The following CNGB3 variants were observed in gnomAD, a reference collection of about 807,000 sequenced individuals.
The protein encoded by CNGB3 is cyclic nucleotide-gated channel beta-3.
CNGB3 carries 86 observed loss-of-function variants against 92.8 expected under a neutral mutation model. The ratio of observed to expected loss-of-function variants is 0.93; its 90% CI spans 0.78 to 1.11. The LOEUF is 1.11. Among genes scored for constraint, CNGB3 ranks in the 50% least tolerant of loss-of-function variants. The pLI is 0.00. For synonymous variants in CNGB3, 333 were observed against 332.7 expected, an observed-to-expected ratio of 1.00 and a Z score of -0.01; for missense variants, 1,026 against 956.8, an observed-to-expected ratio of 1.07 and a Z score of -0.95.
chr8:86,715,990 T>A (rs1205904515), intron 3 of CNGB3, among the ~76,000 whole-genome samples: 1 of 151,508 alleles, frequency 6.6e-6, no homozygotes, highest in Non-Finnish European at 1.5e-5. Context: ...ATAAAAAAAA[T>A]TAAAAAACAA....
At chr8:86,578,398 A>G (rs1232078309) in intron 17 of CNGB3, among the ~76,000 whole-genome samples, 1 of 152,206 alleles carries the variant, frequency 6.6e-6, no homozygotes, top group Non-Finnish European at 1.5e-5. Context: ...TAGTAAGTAG[A>G]TTCACCAATA....
At chr8:86,695,515 T>C (rs1824433122) in intron 3 of CNGB3, among the ~76,000 whole-genome samples, 1 of 152,172 alleles carries the variant, frequency 6.6e-6, no homozygotes, top group South Asian at 2.1e-4. Context: ...ACGTTGTAAT[T>C]GTCTTTTCTT....
intron 3 of CNGB3, among the ~76,000 whole-genome samples, chr8:86,705,431 A>G (rs543332876): frequency 1.1e-4 from 16 of 151,980 alleles, no homozygotes; most frequent in Admixed American, 9.8e-4. Flanking sequence ...GCAAATGTCC[A>G]TGCTCCTATT....
intron 6 of CNGB3, chr8:86,659,696 A>C: frequency 2.4e-6 from 1 of 416,304 alleles, no homozygotes; most frequent in Non-Finnish European, 4.8e-6. Context: ...TGAGTGTAAT[A>C]CAGAGCTGTC....
intron 3 of CNGB3, among the ~76,000 whole-genome samples, chr8:86,675,678 A>C (rs1280230143): frequency 6.6e-6 from 1 of 152,226 alleles, no homozygotes; most frequent in Non-Finnish European, 1.5e-5. Context: ...CTGGGATTGC[A>C]GATGTCAGTC....
intron 3 of CNGB3, among the ~76,000 whole-genome samples, chr8:86,694,362 C>T (rs897473263): frequency 1.3e-5 from 2 of 150,456 alleles, no homozygotes; most frequent in African/African-American, 2.4e-5. Context: ...CTGACCCCCC[C>T]ACTTCCCTCC....
At chr8:86,735,296 C>G (rs1219661986) in intron 2 of CNGB3, among the ~76,000 whole-genome samples, 1 of 151,396 alleles carries the variant, frequency 6.6e-6, no homozygotes, top group Non-Finnish European at 1.5e-5. Flanking sequence ...GCATCCACCA[C>G]CATGCCTGGC....
chr8:86,712,386 A>G (rs975813487), intron 3 of CNGB3, among the ~76,000 whole-genome samples: 2 of 152,144 alleles, frequency 1.3e-5, no homozygotes, highest in Non-Finnish European at 2.9e-5. Context: ...CTGTAGAAGA[A>G]TTAGCATTTT....
chr8:86,622,832 A>G (rs1822766940), intron 13 of CNGB3, among the ~76,000 whole-genome samples: 1 of 152,186 alleles, frequency 6.6e-6, no homozygotes. Context: ...TTTGTAATAC[A>G]TTTTATTATA....
chr8:86,710,349 C>G (rs1824727151), intron 3 of CNGB3, among the ~76,000 whole-genome samples: 1 of 152,102 alleles, frequency 6.6e-6, no homozygotes, highest in South Asian at 2.1e-4. Flanking sequence ...GCTATTGCCA[C>G]CAGGTAGGGA....
intron 15 of CNGB3, among the ~76,000 whole-genome samples, chr8:86,596,460 T>A (rs1822173014): frequency 6.6e-6 from 1 of 152,188 alleles, no homozygotes; most frequent in Non-Finnish European, 1.5e-5. Flanking sequence ...ATTCTTATAA[T>A]GAAAACTGAC....
intron 2 of CNGB3, among the ~76,000 whole-genome samples, chr8:86,738,840 C>CA (rs773191598): frequency 0.54 from 65,215 of 120,812 alleles, 17,600 homozygotes; most frequent in African/African-American, 0.66. Flanking sequence ...GACTCCGTCT[C>CA]AAAAAAAAAA....
Position 86,660,347 on chromosome 8 carries a change from G to A in CNGB3, c.853-6285C>T, listed in dbSNP as rs1036375638. The A allele has an allele frequency of 2.3e-5, 9 of 392,850 alleles. No homozygotes were observed. The East Asian group carries it at 4.3e-4, about 19-fold the overall frequency. The allele number at this position is 392,850 out of a possible 1,614,324, so 24.3% of individuals were successfully genotyped here. A position where few individuals can be genotyped will look rare whatever the true frequency, so the allele number is the denominator to read the frequency against. ...TATCAGCACGATCCTGGCAACCACTGCTAAACACATCCAGTCATCTACCGG... is the reference window on the plus strand; with the variant it reads ...TATCAGCACGATCCTGGCAACCACTACTAAACACATCCAGTCATCTACCGG... On this transcript the variant is annotated intron_variant, in intron 6 of 17. Coordinates refer to ENST00000320005, the MANE Select transcript of CNGB3 (RefSeq NM_019098.5).
chr8:86,671,784 T>C (rs1325077926), intron 3 of CNGB3, among the ~76,000 whole-genome samples: 5 of 152,082 alleles, frequency 3.3e-5, no homozygotes, highest in Non-Finnish European at 7.4e-5. Context: ...CGGGAACTGA[T>C]TTTGCCAATA....
rs1449856792 is a variant in CNGB3 at position 86,661,614 on chromosome 8, T to A, written c.852+5311A>T. 56 of 803,376 alleles carry A rather than the reference T, an allele frequency of 7.0e-5. No homozygotes were observed. In the East Asian group the frequency reaches 1.3e-3, roughly 18 times the overall value. The allele number at this position is 803,376 out of a possible 1,614,324, so 49.8% of individuals were successfully genotyped here. Reference sequence around the variant, plus strand: ...TCATCCTCCAACTTTTTCCCACTAATAAGTTCTTCTTTCTTCATCTTACAG... The same window carrying A: ...TCATCCTCCAACTTTTTCCCACTAAAAAGTTCTTCTTTCTTCATCTTACAG... On this transcript the variant is annotated intron_variant, in intron 6 of 17. Coordinates refer to ENST00000320005, the MANE Select transcript of CNGB3 (RefSeq NM_019098.5).
rs891113628 is a variant in CNGB3, at chr8:86,652,046, A to G, written c.903+1966T>C. On this transcript the variant is annotated intron_variant, in intron 7 of 17. Transcript: ENST00000320005. ...GCCTAGGCTTCTAGGCTACAGGCCT[A>G]GGAGCATGTTACTGTACAGCATGCT... Among the ~76,000 whole-genome samples, 3 of 151,970 alleles carry G rather than the reference A, an allele frequency of 2.0e-5. No individual in the cohort carries two copies. The South Asian group carries it at 6.2e-4, about 31-fold the overall frequency.
chr8:86,643,238 T>A (rs1256404917), intron 10 of CNGB3, among the ~76,000 whole-genome samples: 1 of 151,512 alleles, frequency 6.6e-6, no homozygotes, highest in Non-Finnish European at 1.5e-5. Flanking sequence ...TTTAGACCAA[T>A]TCATGGGGTA....
chr8:86,715,906 C>T (rs1422704551), intron 3 of CNGB3, among the ~76,000 whole-genome samples: 3 of 151,170 alleles, frequency 2.0e-5, no homozygotes, highest in Non-Finnish European at 4.4e-5. Context: ...AGCACACCAG[C>T]ATGGCACATG....
At chr8:86,602,405 T>C (rs1236877786) in intron 15 of CNGB3, among the ~76,000 whole-genome samples, 1 of 152,162 alleles carries the variant, frequency 6.6e-6, no homozygotes, top group Non-Finnish European at 1.5e-5. Context: ...TAATATGAAG[T>C]CATCTAAAAT....
Sources: gnomAD v4.1 joint callset for allele counts (sites outside exome capture counted in the v4.1 genomes callset) on GRCh38, gnomAD v4.1.1 for gene constraint, MANE v1.5 for transcripts, NCBI Gene and HGNC (gene_info 2026-07-23, HGNC 2026-07-21) for gene names.